The following CACHD1 variants were observed in gnomAD, a reference collection of about 807,000 sequenced individuals.
CACHD1 encodes cache domain containing 1.
Under a neutral mutation model 138.7 loss-of-function variants are expected in CACHD1, and 71 were observed. The ratio of observed to expected loss-of-function variants is 0.51; its 90% confidence interval spans 0.42 to 0.62. The LOEUF (loss-of-function observed/expected upper bound fraction) is 0.62, where lower values mean the gene tolerates loss of function less well. CACHD1 is among the 20% of genes least tolerant of loss of function. The pLI, the probability that CACHD1 is intolerant of heterozygous loss-of-function variation, is 0.00. For synonymous variants in CACHD1, 578 were observed against 591.5 expected (o/e 0.98, Z 0.33); for missense variants, 1,389 against 1,625.3 (o/e 0.85, Z 2.50).
chr1:64,482,766 A>G lies in CACHD1; in HGVS notation c.198+11824A>G, dbSNP rs540304148. ...ACTTGAGATAGTATAATTTCAGATGACCATAAAAGAGGCAAATACATTATT... is the reference window on the plus strand; with the variant it reads ...ACTTGAGATAGTATAATTTCAGATGGCCATAAAAGAGGCAAATACATTATT... On this transcript the variant is annotated intron_variant, in intron 1 of 26. Transcript: ENST00000651257. Among the ~76,000 whole-genome samples, 20 of 152,282 alleles carry G rather than the reference A, an allele frequency of 1.3e-4. No homozygotes were observed. The South Asian group carries it at 4.1e-3, about 32-fold the overall frequency.
chr1:64,543,078 T>C (rs1433797218), intron 1 of CACHD1, among the ~76,000 whole-genome samples: 1 of 152,124 alleles, frequency 6.6e-6, no homozygotes, highest in Non-Finnish European at 1.5e-5. Context: ...AAATTTTTTA[T>C]ATAAACATGC....
At chr1:64,541,010 G>A (rs1221029853) in intron 1 of CACHD1, among the ~76,000 whole-genome samples, 1 of 152,212 alleles carries the variant, frequency 6.6e-6, no homozygotes, top group South Asian at 2.1e-4. Context: ...ACGCCCGCAC[G>A]TGCACACGCA....
At chr1:64,663,005 G>A (rs532832046) in intron 13 of CACHD1, among the ~76,000 whole-genome samples, 53 of 152,290 alleles carry the variant, frequency 3.5e-4, no homozygotes, top group African/African-American at 1.1e-3. Flanking sequence ...CTGTAAGATT[G>A]CTGCTATGCA....
chr1:64,634,400 ACC>A, intron 7 of CACHD1, 140 bp downstream of exon 7: 2 of 371,492 alleles, frequency 5.4e-6, no homozygotes, highest in Non-Finnish European at 8.9e-6. Context: ...TTATTTATTT[ACC>A]TTGAGACAGA....
chr1:64,673,929 G>A (rs1047140532), intron 19 of CACHD1, among the ~76,000 whole-genome samples: 1 of 151,998 alleles, frequency 6.6e-6, no homozygotes, highest in African/African-American at 2.4e-5. Flanking sequence ...TCTTTTTTTA[G>A]CTTAGAGTAC....
chr1:64,491,128 G>A (rs1432837946), intron 1 of CACHD1, among the ~76,000 whole-genome samples: 3 of 152,080 alleles, frequency 2.0e-5, no homozygotes, highest in Non-Finnish European at 4.4e-5. Context: ...ATTTGGTCAG[G>A]GGTTGCTCTC....
chr1:64,629,218 A>T, intron 4 of CACHD1, 137 bp from the exon 5 acceptor site: 2 of 943,426 alleles, frequency 2.1e-6, no homozygotes, highest in Non-Finnish European at 3.1e-6. Context: ...CAAATGTTTC[A>T]TAGAAAATTT....
chr1:64,676,820 C>A, intron 21 of CACHD1, 75 bp from the exon 22 acceptor site: 1 of 1,141,388 alleles, frequency 8.8e-7, no homozygotes, highest in Non-Finnish European at 1.3e-6. Flanking sequence ...TGTCTGACTG[C>A]TGTTAAGGAC....
At position 64,472,544 on chromosome 1, in the gene CACHD1, C is replaced by T. The variant is rs148342530; in HGVS notation, c.198+1602C>T. Among the ~76,000 whole-genome samples the T allele has an allele frequency of 3.9e-5, 6 of 152,322 alleles. No homozygotes were observed. In the East Asian group the frequency reaches 7.7e-4, roughly 20 times the overall value. ...TAATAATAGATAAGCTTTTAAGATG[C>T]ATCATTCAACTATGCCGATCTTTCA... On this transcript the variant is annotated intron_variant, in intron 1 of 26. Coordinates refer to ENST00000651257, the MANE Select transcript of CACHD1 (RefSeq NM_020925.4).
intron 1 of CACHD1, among the ~76,000 whole-genome samples, chr1:64,514,599 A>C (rs956330014): frequency 6.6e-6 from 1 of 152,222 alleles, no homozygotes; most frequent in Non-Finnish European, 1.5e-5. Flanking sequence ...CCATAGGATC[A>C]TTGGTATTTA....
At chr1:64,503,746 T>G (rs1646352483) in intron 1 of CACHD1, among the ~76,000 whole-genome samples, 1 of 152,216 alleles carries the variant, frequency 6.6e-6, no homozygotes, top group Non-Finnish European at 1.5e-5. Flanking sequence ...CTTTAGAGAA[T>G]TAAATGTGAA....
intron 16 of CACHD1, among the ~76,000 whole-genome samples, chr1:64,668,240 T>C (rs1375251745): frequency 6.6e-6 from 1 of 150,470 alleles, no homozygotes; most frequent in Non-Finnish European, 1.5e-5. Context: ...GGCAAGAGAA[T>C]CGCTTGAACC....
chr1:64,607,700 C>T (rs967218635), intron 4 of CACHD1, among the ~76,000 whole-genome samples: 29 of 152,212 alleles, frequency 1.9e-4, no homozygotes, highest in African/African-American at 7.0e-4. Flanking sequence ...CCTAGAAGCA[C>T]AGAGCATTCA....
At chr1:64,679,549 C>A in intron 23 of CACHD1, 46 bp from the exon 24 acceptor site, 1 of 1,604,978 alleles carries the variant, frequency 6.2e-7, no homozygotes, top group Non-Finnish European at 8.5e-7. Flanking sequence ...TTCTTCCCCA[C>A]TTGGGAAATC....
intron 1 of CACHD1, among the ~76,000 whole-genome samples, chr1:64,532,826 T>G (rs1646598559): frequency 6.6e-6 from 1 of 152,136 alleles, no homozygotes; most frequent in African/African-American, 2.4e-5. Context: ...ATCTATAAAA[T>G]AGGGCTTGTT....
At chr1:64,550,766 G>A (rs1646753015) in intron 2 of CACHD1, 110 bp downstream of exon 2, 2 of 695,842 alleles carry the variant, frequency 2.9e-6, no homozygotes, top group Admixed American at 2.7e-5. Context: ...CTTTCTCTCT[G>A]TATAATTTCA....
chr1:64,538,899 G>A (rs1646655254), intron 1 of CACHD1, among the ~76,000 whole-genome samples: 1 of 152,110 alleles, frequency 6.6e-6, no homozygotes, highest in African/African-American at 2.4e-5. Flanking sequence ...CCCAACAGTT[G>A]TTTTCCATTA....
At position 64,663,699 on chromosome 1, in the gene CACHD1, T is replaced by C. The variant is rs747650531; in HGVS notation, c.1956T>C (p.Ser652=). Residue 652 remains serine, a synonymous_variant, in exon 14 of 27, where the codon AGT becomes AGC. Transcript: ENST00000651257. ...LHFKQLATLE[S]PTIMLSAGSF... ...CTTTGTTTGCTTCTCTTTCAGAAAGTCCCACCATCATGCTGTCTGCTGGCA... is the reference window on the plus strand; with the variant it reads ...CTTTGTTTGCTTCTCTTTCAGAAAGCCCCACCATCATGCTGTCTGCTGGCA... 3.7e-6 allele frequency: 6 copies of C among 1,613,936 alleles called. No individual in the cohort carries two copies. The highest frequency in any genetic ancestry group is 5.1e-6 in the Non-Finnish European group (6 of 1,180,010).
intron 1 of CACHD1, among the ~76,000 whole-genome samples, chr1:64,491,058 C>G (rs996825655): frequency 1.3e-5 from 2 of 152,090 alleles, no homozygotes; most frequent in Non-Finnish European, 2.9e-5. Flanking sequence ...TGTCTAAAAT[C>G]GAGAGACCAG....
Sources: gnomAD v4.1 joint callset for allele counts (sites outside exome capture counted in the v4.1 genomes callset) on GRCh38, gnomAD v4.1.1 for gene constraint, MANE v1.5 for transcripts, NCBI Gene and HGNC (gene_info 2026-07-23, HGNC 2026-07-21) for gene names.